The following PDIA5 variants were observed in gnomAD, a reference collection of about 807,000 sequenced individuals.
PDIA5 encodes the protein protein disulfide-isomerase A5.
A neutral mutation model predicts 77.6 loss-of-function variants in PDIA5; 58 were observed. The ratio of observed to expected loss-of-function variants is 0.75; its 90% CI spans 0.61 to 0.93. The LOEUF (loss-of-function observed/expected upper bound fraction) is 0.93. Among genes scored for constraint, PDIA5 ranks in the 40% least tolerant of loss-of-function variants. PDIA5 has a pLI of 0.00. For missense variants in PDIA5, 630 were observed against 647.7 expected (o/e 0.97, Z 0.30); for synonymous variants, 250 against 252.1 (o/e 0.99, Z 0.08).
intron 11 of PDIA5, among the ~76,000 whole-genome samples, chr3:123,132,187 G>A (rs2667457): frequency 2.0e-5 from 3 of 151,894 alleles, no homozygotes; most frequent in Admixed American, 6.5e-5. Context: ...CCACGGCTCC[G>A]TGAGTCCTGA....
intron 6 of PDIA5, among the ~76,000 whole-genome samples, chr3:123,110,239 C>A (rs1266766451): frequency 6.6e-6 from 1 of 152,164 alleles, no homozygotes; most frequent in Non-Finnish European, 1.5e-5. Flanking sequence ...TTGTATGTAT[C>A]TAACAAATCA....
At chr3:123,084,110 T>C (rs1418072691) in intron 1 of PDIA5, among the ~76,000 whole-genome samples, 1 of 152,072 alleles carries the variant, frequency 6.6e-6, no homozygotes, top group Admixed American at 6.6e-5. Flanking sequence ...TTATTTTTCC[T>C]CTCTCATTCT....
intron 13 of PDIA5, among the ~76,000 whole-genome samples, chr3:123,149,132 G>A (rs1045789539): frequency 6.6e-6 from 1 of 152,240 alleles, no homozygotes; most frequent in Non-Finnish European, 1.5e-5. Context: ...AGGAGAAGGT[G>A]AGAGGCAGGG....
intron 1 of PDIA5, among the ~76,000 whole-genome samples, chr3:123,080,028 G>A (rs563762277): frequency 6.6e-6 from 1 of 152,332 alleles, no homozygotes; most frequent in East Asian, 1.9e-4. Flanking sequence ...GAATCACTGA[G>A]GTGGCAGTGT....
chr3:123,072,422 A>C (rs1933745162), intron 1 of PDIA5, among the ~76,000 whole-genome samples: 1 of 152,212 alleles, frequency 6.6e-6, no homozygotes, highest in Non-Finnish European at 1.5e-5. Context: ...CCAGTTGTTG[A>C]GTAAGAGATG....
chr3:123,125,468 G>C (rs117306377), intron 10 of PDIA5, among the ~76,000 whole-genome samples: 2 of 152,096 alleles, frequency 1.3e-5, no homozygotes, highest in African/African-American at 4.8e-5. Flanking sequence ...CTGCAGCCCC[G>C]ACAGTCCAAC....
Position 123,160,633 on chromosome 3 carries a change from C to G in PDIA5, c.1345-688C>G, listed in dbSNP as rs1468764104. On this transcript the variant is annotated intron_variant, in intron 15 of 16. Transcript: ENST00000316218. The stretch of plus-strand genomic sequence containing the variant: ...CAACCCCTGCCCAGACACTGAGCCC[C>G]TAAGTGGGGACAGAGCTTGTATATG... Among the ~76,000 whole-genome samples, 5 of 152,204 alleles carry G rather than the reference C, an allele frequency of 3.3e-5. No individual in the cohort carries two copies. The East Asian group carries it at 9.6e-4, about 29-fold the overall frequency.
At chr3:123,114,628 TC>T (rs1056467797) in intron 7 of PDIA5, among the ~76,000 whole-genome samples, 19 of 152,306 alleles carry the variant, frequency 1.2e-4, no homozygotes, top group Middle Eastern at 6.8e-3. Flanking sequence ...CCGGTGCATT[TC>T]CCCCTGAGCG....
chr3:123,134,305 C>T (rs1935441379), intron 11 of PDIA5, among the ~76,000 whole-genome samples: 1 of 152,174 alleles, frequency 6.6e-6, no homozygotes, highest in Non-Finnish European at 1.5e-5. Context: ...CCCGGTCCTG[C>T]TTAGAAAGGC....
intron 3 of PDIA5, among the ~76,000 whole-genome samples, chr3:123,101,049 G>C (rs535175999): frequency 6.6e-6 from 1 of 152,338 alleles, no homozygotes; most frequent in East Asian, 1.9e-4. Flanking sequence ...AGAGCTCTCT[G>C]ACTGGCTGAG....
At chr3:123,144,983 C>T (rs541865389) in intron 11 of PDIA5, 1 of 152,712 alleles carries the variant, frequency 6.5e-6, no homozygotes, top group South Asian at 2.1e-4. Flanking sequence ...AATTATGTCC[C>T]ATACTTATGC....
In PDIA5 at chr3:123,067,094, G is replaced by A; in HGVS notation, c.-71G>A. 3 of 1,195,008 alleles carry A rather than the reference G, an allele frequency of 2.5e-6. No individual in the cohort carries two copies. Among genetic ancestry groups the A allele is most frequent in the Non-Finnish European group, 3.2e-6 (3 of 951,548 alleles). The allele number at this position is 1,195,008 out of a possible 1,614,324, so 74.0% of individuals were successfully genotyped here. A position where few individuals can be genotyped will look rare whatever the true frequency, so the allele number is the denominator to read the frequency against. ...GGCCGTGGTGGTTGGCCGCGGTGGAGCTAGCAGGCGGGCGGGCGGGAGCGG... is the reference window on the plus strand; with the variant it reads ...GGCCGTGGTGGTTGGCCGCGGTGGAACTAGCAGGCGGGCGGGCGGGAGCGG... On this transcript the variant is annotated 5_prime_UTR_variant, in exon 1 of 17. Coordinates refer to ENST00000316218, the MANE Select transcript of PDIA5 (RefSeq NM_006810.4).
intron 11 of PDIA5, among the ~76,000 whole-genome samples, chr3:123,136,725 C>CAAAAAA (rs59022235): frequency 2.0e-4 from 14 of 71,528 alleles, no homozygotes; most frequent in East Asian, 9.7e-4. Flanking sequence ...GGTGACAAGA[C>CAAAAAA]AAAAAAAAAA....
intron 1 of PDIA5, among the ~76,000 whole-genome samples, chr3:123,082,108 G>A (rs1337095446): frequency 3.9e-5 from 6 of 152,198 alleles, no homozygotes; most frequent in Non-Finnish European, 7.3e-5. Context: ...GGATCTGCTG[G>A]ACTTGCAGAA....
At chr3:123,071,877 A>G (rs1437291351) in intron 1 of PDIA5, among the ~76,000 whole-genome samples, 1 of 152,188 alleles carries the variant, frequency 6.6e-6, no homozygotes, top group African/African-American at 2.4e-5. Context: ...GATGGAACTA[A>G]TGTCACAGGC....
Position 123,146,179 on chromosome 3 carries a change from G to A in PDIA5, c.1062G>A (p.Thr354=), listed in dbSNP as rs372369512. Reference sequence around the variant, plus strand: ...GATTCCACATCTCAGAGTTTCCTACGTTGAAGTATTTTAAGAATGGAGAGA... The same window carrying A: ...GATTCCACATCTCAGAGTTTCCTACATTGAAGTATTTTAAGAATGGAGAGA... ...AERFHISEFP[T]LKYFKNGEKY... Residue 354 remains threonine (T), a synonymous_variant, in exon 13 of 17, where the codon ACG becomes ACA. Transcript: ENST00000316218. 7.1e-5 allele frequency: 115 copies of A among 1,614,000 alleles called. No individual in the cohort carries two copies. The highest frequency in any genetic ancestry group is 2.0e-4 in the East Asian group (9 of 44,886).
intron 11 of PDIA5, among the ~76,000 whole-genome samples, chr3:123,135,035 G>T (rs1935464262): frequency 6.6e-6 from 1 of 152,222 alleles, no homozygotes; most frequent in Admixed American, 6.5e-5. Context: ...TTCCCACCCT[G>T]CAGGCGACGG....
chr3:123,139,076 G>A (rs1935564761), intron 11 of PDIA5, among the ~76,000 whole-genome samples: 1 of 152,210 alleles, frequency 6.6e-6, no homozygotes, highest in African/African-American at 2.4e-5. Flanking sequence ...AGGAGTTGAT[G>A]TGCAGACCTC....
intron 5 of PDIA5, among the ~76,000 whole-genome samples, chr3:123,104,222 C>G (rs1934677118): frequency 6.6e-6 from 1 of 152,070 alleles, no homozygotes; most frequent in African/African-American, 2.4e-5. Context: ...CGTACGGGGC[C>G]AGAGTCTTCA....
Sources: gnomAD v4.1 joint callset for allele counts (sites outside exome capture counted in the v4.1 genomes callset) on GRCh38, gnomAD v4.1.1 for gene constraint, MANE v1.5 for transcripts, NCBI Gene and HGNC (gene_info 2026-07-23, HGNC 2026-07-21) for gene names.